CHD5: variants seen among roughly 807,000 people sequenced by gnomAD.
The protein encoded by CHD5 is chromodomain helicase DNA binding protein 5, also known as ATP-dependent chromatin remodeler CHD5.
CHD5 carries 69 observed loss-of-function variants against 230.3 expected under a neutral mutation model. That is an observed-to-expected ratio of 0.30 (90% confidence interval 0.25 to 0.37). CHD5 has a LOEUF of 0.37. Ranked by LOEUF, CHD5 falls within the 10% of genes least tolerant of loss-of-function variation. The pLI, the probability that CHD5 is intolerant of heterozygous loss-of-function variation, is 1.00. For synonymous variants in CHD5, 1,064 were observed against 1,065.9 expected (o/e 1.00, Z 0.03); for missense variants, 1,827 against 2,622.8 (o/e 0.70, Z 6.63).
In CHD5 at chr1:6,168,265, C is replaced by A. The variant is rs370334823; in HGVS notation, c.92G>T (p.Gly31Val). The A allele has an allele frequency of 4.6e-5, 73 of 1,596,578 alleles. No homozygotes were observed. In the African/African-American group the frequency reaches 8.7e-4, roughly 19 times the overall value. Residue 31 changes from glycine to valine, a missense_variant, in exon 2 of 42, where the codon GGT (glycine) becomes GTT (valine). By Grantham distance (109) the Gly-to-Val change is moderately radical (BLOSUM62 -3). Coordinates refer to ENST00000262450, the MANE Select transcript of CHD5 (RefSeq NM_015557.3). ...AAAGTCATCGAAGGCTTCAAGACCA[C>A]CATCTTCTTCTTCTGGAAAAATCAG... Reference protein sequence around the residue: ...NEDEMSEEEDGGLEAFDDFFP... With the variant: ...NEDEMSEEEDVGLEAFDDFFP...
At position 6,112,902 on chromosome 1, in the gene CHD5, C is replaced by T. The variant is rs759683500; in HGVS notation, c.5002+7G>A. The T allele has an allele frequency of 4.3e-6, 7 of 1,610,084 alleles. No individual in the cohort carries two copies. In the East Asian group the frequency reaches 1.6e-4, roughly 36 times the overall value. ...GCACAGGTAGAGAACACAGAAGAGCCCCAGACCTGGCCTGAGTTCGGAACT... is the reference window on the plus strand; with the variant it reads ...GCACAGGTAGAGAACACAGAAGAGCTCCAGACCTGGCCTGAGTTCGGAACT... On this transcript the variant is annotated splice_region_variant and intron_variant, in intron 34 of 41. Transcript: ENST00000262450.
At chr1:6,151,448 C>A (rs1258413218) in intron 6 of CHD5, among the ~76,000 whole-genome samples, 1 of 152,228 alleles carries the variant, frequency 6.6e-6, no homozygotes, top group Non-Finnish European at 1.5e-5. Flanking sequence ...TCCTAAACAT[C>A]CTTCAAGGGG....
At chr1:6,138,289 A>C (rs1300917245) in intron 15 of CHD5, among the ~76,000 whole-genome samples, 1 of 152,090 alleles carries the variant, frequency 6.6e-6, no homozygotes. Context: ...AGGCGGGAGA[A>C]TCACTTGAAC....
chr1:6,110,636 G>A (rs567422937), intron 36 of CHD5, 110 bp from the exon 37 acceptor site: 175 of 1,176,188 alleles, frequency 1.5e-4, no homozygotes, highest in Non-Finnish European at 1.9e-4. Flanking sequence ...CATTCTGGCT[G>A]TACGCTCTCA....
chr1:6,146,357 G>C lies in CHD5; in HGVS notation c.1657C>G (p.Pro553Ala), dbSNP rs947595346. ...TCATCCCCAGAGCCGTAGTCAAAGG[G>C]GGGCGGCTCATCCATGTCGTTCTTT... is the stretch of plus-strand genomic sequence containing the variant. ...QRKNDMDEPP[P>A]FDYGSGDEDG... Residue 553 changes from proline (P) to alanine (A), a missense_variant, in exon 11 of 42, where the codon CCC becomes GCC. Physicochemically the swap from Pro to Ala is conservative, Grantham distance 27. This residue lies in a region of CHD5 where 657 missense variants were observed against 816.4 expected (regional missense o/e 0.80). Coordinates refer to ENST00000262450, the MANE Select transcript of CHD5 (RefSeq NM_015557.3). The surrounding 1 kb of genome is among the most constrained non-coding windows in gnomAD (Gnocchi z 5.1). 5 of 1,614,152 alleles carry C rather than the reference G, an allele frequency of 3.1e-6. No homozygotes were observed. The highest frequency in any genetic ancestry group is 1.3e-5 in the African/African-American group (1 of 75,024).
chr1:6,124,587 A>ACGC lies in CHD5; in HGVS notation c.4466_4468dup (p.Gly1489dup). 1 of 1,584,396 alleles carries ACGC rather than the reference A, an allele frequency of 6.3e-7. No individual in the cohort carries two copies. Among genetic ancestry groups the ACGC allele is most frequent in the Non-Finnish European group, 8.6e-7 (1 of 1,162,790 alleles). On this transcript the variant is annotated inframe_insertion, in exon 30 of 42. Transcript: ENST00000262450. ...CTGCCTGGAGAGGCCCTCCCGGGGC[A>ACGC]CGCCGTCTGCGAAGGTCTCTGCACC...
chr1:6,111,945 T>C, intron 35 of CHD5, 62 bp from the exon 36 acceptor site: 12 of 1,506,318 alleles, frequency 8.0e-6, no homozygotes, highest in Non-Finnish European at 1.1e-5. Context: ...ACAGGCAGGC[T>C]TGGAGAGCCG....
intron 1 of CHD5, among the ~76,000 whole-genome samples, chr1:6,171,011 C>T (rs895740743): frequency 1.6e-4 from 25 of 152,362 alleles, no homozygotes; most frequent in African/African-American, 5.5e-4. Flanking sequence ...ATGTAACGGG[C>T]TCTGGCTGAT....
rs769945939 is a variant in CHD5 at position 6,125,113 on chromosome 1, C to G, written c.4381G>C (p.Glu1461Gln). 56 of 1,593,056 alleles carry G rather than the reference C, an allele frequency of 3.5e-5. No individual in the cohort carries two copies. Among genetic ancestry groups the G allele is most frequent in the Non-Finnish European group, 4.7e-5 (55 of 1,169,916 alleles). ...TAGCCCCTTTACCTAAACTCCTTCT[C>G]GCTCTTCCCTCGAAGGTCCCGCACC... ...WLVRDLRGKSEKEFRAYVSLF... is the reference protein window; with the variant it reads ...WLVRDLRGKSQKEFRAYVSLF... Residue 1461 changes from glutamate to glutamine, a missense_variant, in exon 29 of 42, where the codon GAG (glutamate) becomes CAG (glutamine). By Grantham distance (29) the Glu-to-Gln change is conservative. Coordinates refer to ENST00000262450, the MANE Select transcript of CHD5 (RefSeq NM_015557.3). This position sits in a 1 kb window ranked among gnomAD's most constrained non-coding sequence, Gnocchi z 6.7.
chr1:6,118,233 G>A (rs548879109), intron 33 of CHD5, among the ~76,000 whole-genome samples: 5 of 151,962 alleles, frequency 3.3e-5, no homozygotes, highest in South Asian at 4.2e-4. Flanking sequence ...AAAATTAGCC[G>A]GGCGTGTTAG....
At chr1:6,109,255 G>A (rs938877214) in intron 38 of CHD5, among the ~76,000 whole-genome samples, 1 of 152,104 alleles carries the variant, frequency 6.6e-6, no homozygotes, top group African/African-American at 2.4e-5. Flanking sequence ...AGGGAGGGCT[G>A]CAGGGCACAG....
chr1:6,159,271 C>G (rs1295674704), intron 3 of CHD5, 65 bp downstream of exon 3: 1 of 1,538,770 alleles, frequency 6.5e-7, no homozygotes, highest in African/African-American at 1.4e-5. Context: ...AACATACAGG[C>G]AAGAGGCTCA....
chr1:6,116,266 T>C (rs1232414074), intron 33 of CHD5, among the ~76,000 whole-genome samples: 1 of 152,210 alleles, frequency 6.6e-6, no homozygotes, highest in South Asian at 2.1e-4. Context: ...CATGTGTGTA[T>C]ATATATGTTT....
intron 1 of CHD5, among the ~76,000 whole-genome samples, chr1:6,169,043 G>T (rs940082530): frequency 6.6e-6 from 1 of 151,346 alleles, no homozygotes; most frequent in African/African-American, 2.4e-5. Context: ...AAGAGAGAGA[G>T]AGAATTGTGG....
intron 36 of CHD5, among the ~76,000 whole-genome samples, chr1:6,111,235 A>AC (rs1666282384): frequency 6.9e-6 from 1 of 144,878 alleles, no homozygotes; most frequent in African/African-American, 2.5e-5. Flanking sequence ...ATCTCAAAAA[A>AC]AAAAGAAAAA....
At position 6,125,028 on chromosome 1, in the gene CHD5, G is replaced by T; in HGVS notation, c.4394+72C>A. On this transcript the variant is annotated intron_variant, in intron 29 of 41. Transcript: ENST00000262450. This position sits in a 1 kb window ranked among gnomAD's most constrained non-coding sequence, Gnocchi z 6.7. ...CGGAAGCAAATGCTGCCCTCTGTGG[G>T]GCTCACCCGCAGGACCCTGCCCTAC... 7.1e-7 allele frequency: 1 copy of T among 1,407,686 alleles called. No homozygotes were observed. The highest frequency in any genetic ancestry group is 9.4e-7 in the Non-Finnish European group (1 of 1,062,286). The allele number at this position is 1,407,686 out of a possible 1,614,324, so 87.2% of individuals were successfully genotyped here.
At chr1:6,106,014 TCCCA>T (rs1666157339) in intron 41 of CHD5, among the ~76,000 whole-genome samples, 1 of 151,970 alleles carries the variant, frequency 6.6e-6, no homozygotes, top group South Asian at 2.1e-4. Flanking sequence ...CACCCCAGCC[TCCCA>T]GTGGACAGAC....
Position 6,142,490 on chromosome 1 carries a change from T to G in CHD5, c.2159A>C (p.Asp720Ala). ...ACCCATCTCATCGGCCAGGATGGTG[T>G]CAGTGCCCTGGGCCCAAGAGAAGCG... ...WLRFSWAQGT[D>A]TILADEMGLG... Residue 720 changes from aspartate (D) to alanine (A), a missense_variant, in exon 14 of 42, where the codon GAC (aspartate) becomes GCC (alanine). Asp to Ala is a moderately radical substitution (Grantham distance 126). Transcript: ENST00000262450. This position sits in a 1 kb window ranked among gnomAD's most constrained non-coding sequence, Gnocchi z 5.2. 6.2e-7 allele frequency: 1 copy of G among 1,614,138 alleles called. No individual in the cohort carries two copies. Among genetic ancestry groups the G allele is most frequent in the Non-Finnish European group, 8.5e-7 (1 of 1,180,030 alleles).
At chr1:6,168,340 A>G in intron 1 of CHD5, 63 bp from the exon 2 acceptor site, 1 of 1,523,244 alleles carries the variant, frequency 6.6e-7, no homozygotes, top group African/African-American at 1.4e-5. Flanking sequence ...CCCTGGAGAC[A>G]CAGAGCCAGC....
Sources: gnomAD v4.1 joint callset for allele counts (sites outside exome capture counted in the v4.1 genomes callset) on GRCh38, gnomAD v4.1.1 for gene constraint, gnomAD v4.1.1 regional missense constraint, Gnocchi (gnomAD v3.1) non-coding constraint, MANE v1.5 for transcripts, NCBI Gene and HGNC (gene_info 2026-07-23, HGNC 2026-07-21) for gene names.